ITGB1BP1: variants seen among roughly 807,000 people sequenced by gnomAD.
The protein encoded by ITGB1BP1 is integrin subunit beta 1 binding protein 1.
ITGB1BP1 carries 20 observed loss-of-function variants against 28.0 expected under a neutral mutation model. The ratio of observed to expected loss-of-function variants is 0.71; its 90% CI spans 0.50 to 1.04. ITGB1BP1 has a LOEUF of 1.04. Among genes scored for constraint, ITGB1BP1 ranks in the 50% least tolerant of loss-of-function variants. ITGB1BP1 has a pLI of 0.00. For missense variants in ITGB1BP1, 228 were observed against 242.5 expected (o/e 0.94, Z 0.40); for synonymous variants, 103 against 89.5 (o/e 1.15, Z -0.85).
rs1677420432 is a variant in ITGB1BP1, at chr2:9,406,617, AGTT to A, written c.*214_*216del. Reference sequence around the variant, plus strand: ...ATTAGAAGTTGAAAAAGACAAATGAAGTTTTTTAGCCCAGAAAATAGATGACTT... The same window carrying A: ...ATTAGAAGTTGAAAAAGACAAATGAATTTTAGCCCAGAAAATAGATGACTT... On this transcript the variant is annotated 3_prime_UTR_variant, in exon 7 of 7. Coordinates refer to ENST00000355346, the MANE Select transcript of ITGB1BP1 (RefSeq NM_004763.5). 1.8e-6 allele frequency: 1 copy of A among 557,800 alleles called. No homozygotes were observed. 34.6% of individuals were successfully genotyped at this position (557,800 alleles called of 1,614,324 possible).
chr2:9,423,311 A>G (rs1270740311), intron 1 of ITGB1BP1, 62 bp downstream of exon 1: 1 of 1,223,416 alleles, frequency 8.2e-7, no homozygotes, highest in Non-Finnish European at 1.0e-6. Context: ...CGCTCTCGGG[A>G]CCGTGTTCCC....
intron 3 of ITGB1BP1, 82 bp from the exon 4 acceptor site, chr2:9,412,487 C>A (rs993860282): frequency 2.6e-6 from 3 of 1,164,582 alleles, no homozygotes; most frequent in South Asian, 3.0e-5. Context: ...CAAATAAAAA[C>A]CAGACTGTCA....
At position 9,404,014 on chromosome 2, in the gene ITGB1BP1, A is replaced by G. The variant is rs1676974330; in HGVS notation, c.*2820T>C. On this transcript the variant is annotated 3_prime_UTR_variant, in exon 7 of 7. Coordinates refer to ENST00000355346, the MANE Select transcript of ITGB1BP1 (RefSeq NM_004763.5). ...TACAGTTCATTCTGTTCCAGGTTATATAAAACTGCATTTCCTGAATTTGGT... is the reference window on the plus strand; with the variant it reads ...TACAGTTCATTCTGTTCCAGGTTATGTAAAACTGCATTTCCTGAATTTGGT... The G allele has an allele frequency of 6.6e-6, 1 of 152,262 alleles. No individual in the cohort carries two copies. Among genetic ancestry groups the G allele is most frequent in the Admixed American group, 6.5e-5 (1 of 15,286 alleles). The allele number at this position is 152,262 out of a possible 1,614,324, so 9.4% of individuals were successfully genotyped here. A position where few individuals can be genotyped will look rare whatever the true frequency, so the allele number is the denominator to read the frequency against.
chr2:9,409,849 T>G lies in ITGB1BP1; in HGVS notation c.289-1644A>C, dbSNP rs545733587. On this transcript the variant is annotated intron_variant, in intron 4 of 6. Coordinates refer to ENST00000355346, the MANE Select transcript of ITGB1BP1 (RefSeq NM_004763.5). ...CCAAACTACCGTGAGTTCTTTTTTT[T>G]TTTTTTTTTTTTGAGACGGAGTTCT... is the stretch of plus-strand genomic sequence containing the variant. Among the ~76,000 whole-genome samples, 175 of 150,672 alleles carry G rather than the reference T, an allele frequency of 1.2e-3. 1 individual carries two copies. Among genetic ancestry groups the G allele is most frequent in the African/African-American group, 3.4e-3 (138 of 41,090 alleles).
chr2:9,417,595 T>A (rs2148904474), intron 2 of ITGB1BP1, among the ~76,000 whole-genome samples: 1 of 152,160 alleles, frequency 6.6e-6, no homozygotes, highest in South Asian at 2.1e-4. Flanking sequence ...ATTTTTGTAT[T>A]TTTAGCAGAG....
intron 4 of ITGB1BP1, among the ~76,000 whole-genome samples, chr2:9,410,134 C>T (rs567085551): frequency 1.6e-4 from 24 of 152,102 alleles, no homozygotes; most frequent in South Asian, 1.0e-3. Flanking sequence ...CCTGAGCCAC[C>T]GCGCCCAGCC....
chr2:9,415,433 T>C lies in ITGB1BP1; in HGVS notation c.73-1177A>G, dbSNP rs752071718. 3.3e-5 allele frequency among the ~76,000 whole-genome samples: 5 copies of C among 150,822 alleles called. No individual in the cohort carries two copies. Among genetic ancestry groups the C allele is most frequent in the Non-Finnish European group, 7.4e-5 (5 of 67,848 alleles). ...AAAAAAAACACAACAATACAAAAAT[T>C]AGCCAGGCTTGGTGGCACATGCCTG... is the stretch of plus-strand genomic sequence containing the variant. On this transcript the variant is annotated intron_variant, in intron 2 of 6. Transcript: ENST00000355346. The surrounding 1 kb of genome is among the most constrained non-coding windows in gnomAD (Gnocchi z 4.1).
intron 3 of ITGB1BP1, 45 bp downstream of exon 3, chr2:9,414,133 T>A (rs753984895): frequency 6.7e-7 from 1 of 1,497,526 alleles, no homozygotes; most frequent in South Asian, 1.1e-5. Flanking sequence ...CACGTGAACA[T>A]CAATGAAAAG....
chr2:9,422,483 C>G, intron 1 of ITGB1BP1: 1 of 985,602 alleles, frequency 1.0e-6, no homozygotes, highest in Non-Finnish European at 1.2e-6. Context: ...TCTTACCTTT[C>G]AAGGCCCGTT....
chr2:9,407,888 G>A, intron 5 of ITGB1BP1: 1 of 516,922 alleles, frequency 1.9e-6, no homozygotes, highest in Non-Finnish European at 3.5e-6. Context: ...CCATCTGTGT[G>A]TTTGGGGGTG....
chr2:9,422,529 G>T (rs1159082495), intron 1 of ITGB1BP1: 48 of 985,496 alleles, frequency 4.9e-5, no homozygotes, highest in Non-Finnish European at 5.8e-5. Context: ...TCAAGGCTGG[G>T]GTAAGGGACC....
intron 2 of ITGB1BP1, among the ~76,000 whole-genome samples, chr2:9,417,952 C>G (rs1303816393): frequency 6.6e-6 from 1 of 152,242 alleles, no homozygotes; most frequent in African/African-American, 2.4e-5. Flanking sequence ...GTTTGGCACA[C>G]AGCCATGCTC....
At chr2:9,422,694 T>C (rs1482646939) in intron 1 of ITGB1BP1, 11 of 985,594 alleles carry the variant, frequency 1.1e-5, no homozygotes, top group Non-Finnish European at 1.2e-5. Flanking sequence ...AGCCGAGAAC[T>C]TTCTGGGGAG....
chr2:9,414,111 C>A (rs1678814945), intron 3 of ITGB1BP1, 67 bp downstream of exon 3: 2 of 1,287,522 alleles, frequency 1.6e-6, no homozygotes, highest in Non-Finnish European at 2.3e-6. Flanking sequence ...CATTGTGCTA[C>A]CCCAGTAAAA....
chr2:9,423,466 G>C lies in ITGB1BP1; in HGVS notation c.-129C>G. The C allele has an allele frequency of 8.5e-7, 1 of 1,174,430 alleles. No individual in the cohort carries two copies. The highest frequency in any genetic ancestry group is 1.6e-5 in the African/African-American group (1 of 60,936). The allele number at this position is 1,174,430 out of a possible 1,614,324, so 72.8% of individuals were successfully genotyped here. On this transcript the variant is annotated 5_prime_UTR_variant, in exon 1 of 7. Coordinates refer to ENST00000355346, the MANE Select transcript of ITGB1BP1 (RefSeq NM_004763.5). The stretch of plus-strand genomic sequence containing the variant: ...CGCCCAGGCAGCTACTCCCGTTCCC[G>C]CTCCAGCGCCGGCTTTTCCAGCCCT...
rs140020752 is a variant in ITGB1BP1, at chr2:9,412,210, C to A, written c.288+59G>T. 20 of 1,518,922 alleles carry A rather than the reference C, an allele frequency of 1.3e-5. No individual in the cohort carries two copies. The East Asian group carries it at 4.5e-4, about 34-fold the overall frequency. The allele number at this position is 1,518,922 out of a possible 1,614,324, so 94.1% of individuals were successfully genotyped here. On this transcript the variant is annotated intron_variant, in intron 4 of 6. Transcript: ENST00000355346. ...GAGGAGTGAGCATTTTGCCCCAAAG[C>A]CATGAGTTGGCTCCCCAGACTCTCA...
intron 5 of ITGB1BP1, 178 bp downstream of exon 5, chr2:9,407,935 G>A: frequency 1.7e-6 from 1 of 590,040 alleles, no homozygotes; most frequent in Non-Finnish European, 3.0e-6. Flanking sequence ...CAACACAGGA[G>A]AGAAAAGGAA....
At chr2:9,414,767 C>G (rs1678906121) in intron 2 of ITGB1BP1, among the ~76,000 whole-genome samples, 1 of 152,152 alleles carries the variant, frequency 6.6e-6, no homozygotes, top group Admixed American at 6.5e-5. Flanking sequence ...GGTCTCTGGT[C>G]CAGTGCTTCT....
chr2:9,406,395 TCGTCTTCCTC>T lies in ITGB1BP1; in HGVS notation c.*429_*438del. ...TCACTGAGTGGACCTCTGTGACATC[TCGTCTTCCTC>T]AGGCCTTCAGTGTGTGTTTGTCACT... On this transcript the variant is annotated 3_prime_UTR_variant, in exon 7 of 7. Transcript: ENST00000355346. The T allele has an allele frequency of 4.6e-4, 1 of 2,160 alleles. No homozygotes were observed. The highest frequency in any genetic ancestry group is 6.0e-3 in the Admixed American group (1 of 168). 0.1% of individuals were successfully genotyped at this position (2,160 alleles called of 1,614,324 possible).
Sources: gnomAD v4.1 joint callset for allele counts (sites outside exome capture counted in the v4.1 genomes callset) on GRCh38, gnomAD v4.1.1 for gene constraint, Gnocchi (gnomAD v3.1) non-coding constraint, MANE v1.5 for transcripts, NCBI Gene and HGNC (gene_info 2026-07-23, HGNC 2026-07-21) for gene names.